Variants in IQANK1 observed in about 807,000 individuals in gnomAD.
IQANK1 encodes IQ motif and ankyrin repeat domain-containing protein 1.
Under a neutral mutation model 22.6 loss-of-function variants are expected in IQANK1, and 30 were observed. The ratio of observed to expected loss-of-function variants is 1.33; its 90% CI spans 0.99 to 1.80. IQANK1 has a LOEUF of 1.80. Ranked by LOEUF, IQANK1 falls within the 40% of genes most tolerant of loss-of-function variation. The probability of loss-of-function intolerance (pLI) is 0.00; values close to 1 mark genes in which losing one functional copy is unlikely to be tolerated. For synonymous variants in IQANK1, 122 were observed against 99.6 expected (o/e 1.23, Z -1.34); for missense variants, 275 against 235.2 (o/e 1.17, Z -1.11).
intron 2 of IQANK1, among the ~76,000 whole-genome samples, chr8:143,737,942 C>T (rs1818786989): frequency 1.3e-5 from 2 of 152,218 alleles, no homozygotes; most frequent in Admixed American, 6.5e-5. Flanking sequence ...CCCTGCTCCA[C>T]AGCCTTCCAT....
chr8:143,782,712 G>A (rs1554631066), intron 7 of IQANK1, among the ~76,000 whole-genome samples: 1 of 152,172 alleles, frequency 6.6e-6, no homozygotes, highest in Non-Finnish European at 1.5e-5. Flanking sequence ...CCTGACCTCA[G>A]GCATCTGCCC....
At chr8:143,770,368 G>C (rs1327635809) in intron 3 of IQANK1, among the ~76,000 whole-genome samples, 1 of 152,158 alleles carries the variant, frequency 6.6e-6, no homozygotes, top group Non-Finnish European at 1.5e-5. Context: ...TCTTATGACT[G>C]TATTATCTCT....
At chr8:143,749,126 CAT>C (rs1370797670) in intron 3 of IQANK1, among the ~76,000 whole-genome samples, 6 of 119,908 alleles carry the variant, frequency 5.0e-5, no homozygotes, top group African/African-American at 1.7e-4. Context: ...GTATATATAG[CAT>C]ATATGATATA....
At chr8:143,775,527 G>A (rs966130221) in intron 7 of IQANK1, among the ~76,000 whole-genome samples, 6 of 152,014 alleles carry the variant, frequency 3.9e-5, no homozygotes, top group African/African-American at 7.3e-5. Context: ...GTGGGAGGCC[G>A]AGGCGGGCAG....
At chr8:143,742,506 T>C in intron 3 of IQANK1, 1 of 456,078 alleles carries the variant, frequency 2.2e-6, no homozygotes, top group Admixed American at 2.3e-5. Context: ...TCATCTGGGC[T>C]GGGCCCCACA....
intron 7 of IQANK1, among the ~76,000 whole-genome samples, chr8:143,780,197 C>T (rs1490191549): frequency 6.6e-6 from 1 of 151,988 alleles, no homozygotes; most frequent in Non-Finnish European, 1.5e-5. Flanking sequence ...ACAAAACTTT[C>T]CTGAAATATG....
In IQANK1 at chr8:143,740,881, C is replaced by T. The variant is rs368246423; in HGVS notation, c.175+933C>T. 2.0e-5 allele frequency among the ~76,000 whole-genome samples: 3 copies of T among 152,364 alleles called. No individual in the cohort carries two copies. The East Asian group carries it at 5.8e-4, about 29-fold the overall frequency. On this transcript the variant is annotated intron_variant, in intron 3 of 13. Transcript: ENST00000527139. ...AAGAGCCTCAGGGGTGCGGGAGCAC[C>T]TCCGCGGAAGGCCCCGTGGTATGTC...
intron 3 of IQANK1, among the ~76,000 whole-genome samples, chr8:143,755,368 A>AT (rs1226157434): frequency 5.3e-5 from 8 of 152,078 alleles, no homozygotes; most frequent in African/African-American, 1.4e-4. Flanking sequence ...ATTTTATTTC[A>AT]TTTATTTATT....
At chr8:143,747,081 C>G (rs921772778) in intron 3 of IQANK1, among the ~76,000 whole-genome samples, 5 of 151,968 alleles carry the variant, frequency 3.3e-5, no homozygotes, top group Non-Finnish European at 7.4e-5. Context: ...GGGTTTCACC[C>G]TGTTAGCCAG....
chr8:143,737,321 C>G (rs879981663), intron 2 of IQANK1, among the ~76,000 whole-genome samples: 1 of 152,226 alleles, frequency 6.6e-6, no homozygotes, highest in Non-Finnish European at 1.5e-5. Flanking sequence ...CGCCCTGCAC[C>G]GCAGCCCATA....
At position 143,749,866 on chromosome 8, in the gene IQANK1, TTCATATA is replaced by T. The variant is rs780150852; in HGVS notation, c.175+9920_175+9926del. 8.6e-5 allele frequency among the ~76,000 whole-genome samples: 13 copies of T among 151,776 alleles called. No individual in the cohort carries two copies. In the South Asian group the frequency reaches 1.5e-3, roughly 17 times the overall value. On this transcript the variant is annotated intron_variant, in intron 3 of 13. Transcript: ENST00000527139. ...ATGTAAGCTACCATGCTTGGCCTGC[TTCATATA>T]TTTTGATGATCAGACATTAGGTACA...
intron 3 of IQANK1, among the ~76,000 whole-genome samples, chr8:143,768,864 T>C (rs1339095703): frequency 6.6e-6 from 1 of 152,152 alleles, no homozygotes; most frequent in Non-Finnish European, 1.5e-5. Flanking sequence ...ATGTGCATCA[T>C]CTGCAAATGA....
At chr8:143,762,653 T>C (rs187368975) in intron 3 of IQANK1, among the ~76,000 whole-genome samples, 97 of 152,262 alleles carry the variant, frequency 6.4e-4, no homozygotes, top group African/African-American at 2.1e-3. Flanking sequence ...TGAATGTTGA[T>C]TGAGGAAGGA....
At chr8:143,747,635 G>GTT (rs1819056344) in intron 3 of IQANK1, among the ~76,000 whole-genome samples, 1 of 118,986 alleles carries the variant, frequency 8.4e-6, no homozygotes, top group African/African-American at 5.9e-5. Context: ...ACTGTTGAAG[G>GTT]GTGTTTTTTT....
At chr8:143,747,194 T>G (rs1033188202) in intron 3 of IQANK1, among the ~76,000 whole-genome samples, 1 of 152,212 alleles carries the variant, frequency 6.6e-6, no homozygotes, top group African/African-American at 2.4e-5. Flanking sequence ...TTTTTATTTC[T>G]ATAGAATCAG....
intron 3 of IQANK1, among the ~76,000 whole-genome samples, chr8:143,747,149 G>A (rs1819048898): frequency 6.6e-6 from 1 of 152,218 alleles, no homozygotes; most frequent in Non-Finnish European, 1.5e-5. Flanking sequence ...AAAGTGTTGG[G>A]ATTACAGGAG....
chr8:143,784,032 T>C (rs1819842819), intron 7 of IQANK1, among the ~76,000 whole-genome samples: 1 of 152,222 alleles, frequency 6.6e-6, no homozygotes, highest in Non-Finnish European at 1.5e-5. Flanking sequence ...TTTTTCTTCA[T>C]GCTTGGGTTT....
Position 143,790,278 on chromosome 8 carries a change from C to A in IQANK1, c.1424+7C>A, listed in dbSNP as rs1323471317. 69 of 1,232,016 alleles carry A rather than the reference C, an allele frequency of 5.6e-5. No individual in the cohort carries two copies. Among genetic ancestry groups the A allele is most frequent in the Non-Finnish European group, 6.4e-5 (63 of 988,032 alleles). The allele number at this position is 1,232,016 out of a possible 1,614,324, so 76.3% of individuals were successfully genotyped here. A position where few individuals can be genotyped will look rare whatever the true frequency, so the allele number is the denominator to read the frequency against. The stretch of plus-strand genomic sequence containing the variant: ...CTCTGCTGGGGGCTCTGCGGTGAGG[C>A]AGGCAGGGTGACAGGTACACCCCAC... On this transcript the variant is annotated splice_region_variant and intron_variant, in intron 13 of 13. Coordinates refer to ENST00000527139, the MANE Select transcript of IQANK1 (RefSeq NM_001381874.1).
At chr8:143,748,711 TATATATC>T (rs1329693878) in intron 3 of IQANK1, among the ~76,000 whole-genome samples, 3 of 111,630 alleles carry the variant, frequency 2.7e-5, no homozygotes, top group South Asian at 4.9e-4. Context: ...AATATATAAA[TATATATC>T]ATATATATCA....
Sources: gnomAD v4.1 joint callset for allele counts (sites outside exome capture counted in the v4.1 genomes callset) on GRCh38, gnomAD v4.1.1 for gene constraint, MANE v1.5 for transcripts, NCBI Gene and HGNC (gene_info 2026-07-23, HGNC 2026-07-21) for gene names.